Variants in CCT8 observed in about 807,000 individuals in gnomAD.
CCT8 encodes chaperonin containing TCP1 subunit 8.
CCT8 carries 10 observed loss-of-function variants against 65.7 expected under a neutral mutation model. That is an observed-to-expected ratio of 0.15 (90% CI 0.09 to 0.26). The LOEUF (loss-of-function observed/expected upper bound fraction) is 0.26, where lower values mean the gene tolerates loss of function less well. Among genes scored for constraint, CCT8 ranks in the 10% least tolerant of loss-of-function variants. The pLI is 1.00. For missense variants in CCT8, 568 were observed against 669.1 expected (o/e 0.85, Z 1.67); for synonymous variants, 199 against 221.8 (o/e 0.90, Z 0.92).
chr21:29,073,618 GA>G lies in CCT8; in HGVS notation c.-29del. The G allele has an allele frequency of 6.2e-7, 1 of 1,610,704 alleles. No individual in the cohort carries two copies. Among genetic ancestry groups the G allele is most frequent in the Non-Finnish European group, 8.5e-7 (1 of 1,177,376 alleles). ...CCAGCCTGCAGGAAGCAGTTCACGCGACCGCTCGGAAGACCGCGGAGGAAGC... is the reference window on the plus strand; with the variant it reads ...CCAGCCTGCAGGAAGCAGTTCACGCGCCGCTCGGAAGACCGCGGAGGAAGC... On this transcript the variant is annotated 5_prime_UTR_variant, in exon 1 of 15. Transcript: ENST00000286788.
chr21:29,066,817 A>C, intron 5 of CCT8, 40 bp from the exon 6 acceptor site: 2 of 1,581,242 alleles, frequency 1.3e-6, no homozygotes, highest in Non-Finnish European at 1.7e-6. Flanking sequence ...TTATTTTGGG[A>C]CAACAGAGAA....
At chr21:29,073,421 C>G in intron 1 of CCT8, 110 bp downstream of exon 1, 1 of 1,561,176 alleles carries the variant, frequency 6.4e-7, no homozygotes, top group Non-Finnish European at 8.7e-7. Flanking sequence ...TTCCCCCGGC[C>G]GCTGAGCCAG....
At chr21:29,071,934 C>T in intron 1 of CCT8, 1 of 702,350 alleles carries the variant, frequency 1.4e-6, no homozygotes, top group South Asian at 1.5e-5. Flanking sequence ...CCTTGTATGG[C>T]TCCTCCTCTG....
At chr21:29,073,277 T>G (rs2085703627) in intron 1 of CCT8, 4 of 1,321,044 alleles carry the variant, frequency 3.0e-6, no homozygotes, top group Non-Finnish European at 3.9e-6. Context: ...TTCACATCCG[T>G]CCACCTTCAA....
intron 3 of CCT8, among the ~76,000 whole-genome samples, chr21:29,068,608 T>TGCCACCACGCCC (rs2085649653): frequency 1.3e-5 from 2 of 152,094 alleles, no homozygotes; most frequent in South Asian, 4.1e-4. Flanking sequence ...TACAGGTGTG[T>TGCCACCACGCCC]GCCACCACGC....
intron 11 of CCT8, among the ~76,000 whole-genome samples, chr21:29,061,908 G>C (rs746170553): frequency 6.6e-6 from 1 of 152,084 alleles, no homozygotes; most frequent in Non-Finnish European, 1.5e-5. Context: ...TTAAAGCTCT[G>C]TTTTGCTGTT....
At chr21:29,063,721 A>G (rs2085589447) in intron 7 of CCT8, among the ~76,000 whole-genome samples, 191 bp from the exon 8 acceptor site, 1 of 152,240 alleles carries the variant, frequency 6.6e-6, no homozygotes, top group South Asian at 2.1e-4. Context: ...ACCCCCTGTC[A>G]AAACAGATGC....
chr21:29,064,889 C>T, intron 7 of CCT8, 79 bp downstream of exon 7: 1 of 1,261,998 alleles, frequency 7.9e-7, no homozygotes, highest in South Asian at 1.3e-5. Flanking sequence ...TTAAGAAGTA[C>T]TTACTGGTTT....
rs756022422 is a variant in CCT8, at chr21:29,060,652, GACT to G, written c.1455_1457del (p.Glu485_Val486delinsAsp). On this transcript the variant is annotated inframe_deletion, in exon 14 of 15. Coordinates refer to ENST00000286788, the MANE Select transcript of CCT8 (RefSeq NM_006585.4). ...CTTCCAGCATGTCCTTTACAGCAGGGACTTCAGCCTGTCAAACACAATTTTCAT... is the reference window on the plus strand; with the variant it reads ...CTTCCAGCATGTCCTTTACAGCAGGGTCAGCCTGTCAAACACAATTTTCAT... 1.2e-5 allele frequency: 20 copies of G among 1,611,888 alleles called. No individual in the cohort carries two copies. The Admixed American group carries it at 3.4e-4, about 27-fold the overall frequency.
In CCT8 at chr21:29,067,546, G is replaced by C; in HGVS notation, c.381+10C>G. On this transcript the variant is annotated intron_variant, in intron 4 of 14. Transcript: ENST00000286788. ...AATTTAGTAGGAGTAAATTATAAAT[G>C]AACACTTGCCTCTGAAACTGACAGG... is the stretch of plus-strand genomic sequence containing the variant. 6.9e-7 allele frequency: 1 copy of C among 1,439,160 alleles called. No individual in the cohort carries two copies. The highest frequency in any genetic ancestry group is 9.1e-7 in the Non-Finnish European group (1 of 1,099,712). 89.1% of individuals were successfully genotyped at this position (1,439,160 alleles called of 1,614,324 possible). A position where few individuals can be genotyped will look rare whatever the true frequency, so the allele number is the denominator to read the frequency against.
chr21:29,064,843 T>TA (rs1005955505), intron 7 of CCT8, 125 bp downstream of exon 7: 7 of 752,992 alleles, frequency 9.3e-6, no homozygotes, highest in Admixed American at 2.5e-5. Context: ...AAATCTGGCA[T>TA]AAAAAAATAG....
intron 14 of CCT8, among the ~76,000 whole-genome samples, chr21:29,059,204 A>AAATT (rs1348378269): frequency 6.6e-6 from 1 of 152,230 alleles, no homozygotes; most frequent in Non-Finnish European, 1.5e-5. Context: ...TCCAATGCTT[A>AAATT]AAGCTTGATG....
intron 14 of CCT8, chr21:29,059,899 T>G (rs1568909160): frequency 1.3e-5 from 2 of 152,230 alleles, no homozygotes; most frequent in African/African-American, 4.8e-5. Context: ...ACCTAATGGA[T>G]GTATACTGTC....
rs373440974 is a variant in CCT8 at position 29,060,577 on chromosome 21, A to G, written c.1533T>C (p.Ala511=). 2 of 1,613,826 alleles carry G rather than the reference A, an allele frequency of 1.2e-6. No homozygotes were observed. The highest frequency in any genetic ancestry group is 2.7e-5 in the African/African-American group (2 of 74,934). The part of the protein sequence containing the change: ...YLGKYWAIKL[A]TNAAVTVLRV... ...TAAGTACAGTGACTGCAGCATTAGT[A>G]GCGAGTTTGATAGCCCAATATTTTC... The change falls in exon 14 of 15, where the codon GCT becomes GCC. Residue 511 remains alanine (A), a synonymous_variant. Coordinates refer to ENST00000286788, the MANE Select transcript of CCT8 (RefSeq NM_006585.4).
At chr21:29,065,195 T>A in intron 6 of CCT8, 90 bp from the exon 7 acceptor site, 1 of 1,377,910 alleles carries the variant, frequency 7.3e-7, no homozygotes, top group Non-Finnish European at 1.0e-6. Flanking sequence ...AAAATATCCC[T>A]TTCTAAAATA....
At chr21:29,065,893 C>T (rs2085616017) in intron 6 of CCT8, among the ~76,000 whole-genome samples, 1 of 151,910 alleles carries the variant, frequency 6.6e-6, no homozygotes, top group South Asian at 2.1e-4. Flanking sequence ...CCAGCCTGGC[C>T]AACATGGTGA....
intron 8 of CCT8, 112 bp downstream of exon 8, chr21:29,063,240 G>C: frequency 2.6e-6 from 2 of 781,086 alleles, no homozygotes; most frequent in Non-Finnish European, 4.1e-6. Flanking sequence ...ATTTGACCTA[G>C]TACCTTTACT....
At chr21:29,072,263 A>T in intron 1 of CCT8, 1 of 300,576 alleles carries the variant, frequency 3.3e-6, no homozygotes. Context: ...ATTATTTGGA[A>T]TTCTCCTTTT....
In CCT8 at chr21:29,061,668, A is replaced by G. The variant is rs921661820; in HGVS notation, c.1213-101T>C. 6.6e-5 allele frequency: 76 copies of G among 1,149,838 alleles called. No homozygotes were observed. The African/African-American group carries it at 1.1e-3, about 16-fold the overall frequency. 71.2% of individuals were successfully genotyped at this position (1,149,838 alleles called of 1,614,324 possible). ...TCTTTTCACATTCCAGTACCCCACCAAACAGGAGTTTTTATCAGTCATTGT... is the reference window on the plus strand; with the variant it reads ...TCTTTTCACATTCCAGTACCCCACCGAACAGGAGTTTTTATCAGTCATTGT... On this transcript the variant is annotated intron_variant, in intron 11 of 14. Transcript: ENST00000286788.
Sources: gnomAD v4.1 joint callset for allele counts (sites outside exome capture counted in the v4.1 genomes callset) on GRCh38, gnomAD v4.1.1 for gene constraint, MANE v1.5 for transcripts, NCBI Gene and HGNC (gene_info 2026-07-23, HGNC 2026-07-21) for gene names.